Variants in APOB observed in about 807,000 individuals in gnomAD.
APOB encodes apolipoprotein B-100.
In APOB, 153 loss-of-function variants were observed where a neutral mutation model predicts 314.1. The ratio of observed to expected loss-of-function variants is 0.49; its 90% CI spans 0.43 to 0.56. The LOEUF (loss-of-function observed/expected upper bound fraction) is 0.56, where lower values mean the gene tolerates loss of function less well. Among genes scored for constraint, APOB ranks in the 20% least tolerant of loss-of-function variants. The pLI is 0.00. For missense variants in APOB, 5,430 were observed against 5,350.7 expected (o/e 1.01, Z -0.46); for synonymous variants, 2,087 against 2,036.4 (o/e 1.02, Z -0.67).
Position 21,002,100 on chromosome 2 carries a change from TC to T in APOB, c.13321del (p.Glu4441SerfsTer36). 6.2e-7 allele frequency: 1 copy of T among 1,614,030 alleles called. No individual in the cohort carries two copies. The highest frequency in any genetic ancestry group is 2.2e-5 in the East Asian group (1 of 44,874). On this transcript the variant is annotated frameshift_variant, in exon 29 of 29. Transcript: ENST00000233242. LOFTEE classifies it low-confidence loss of function (END_TRUNC). ...NFTSQLSSQV[E>X]QFLHRNIQEY... ...CTGAATATTTCTGTGCAGAAATTGCTCAACTTGACTTGAGAGTTGGGAAGTA... is the reference window on the plus strand; with the variant it reads ...CTGAATATTTCTGTGCAGAAATTGCTAACTTGACTTGAGAGTTGGGAAGTA...
rs1376134895 is a variant in APOB, at chr2:21,004,636, G to A, written c.11828C>T (p.Ser3943Phe). Residue 3943 changes from serine to phenylalanine, a missense_variant, in exon 27 of 29, where the codon TCT becomes TTT. By Grantham distance (155) the Ser-to-Phe change is radical (BLOSUM62 -2). This residue lies in a region of APOB where 3,281 missense variants were observed against 3,171.0 expected (regional missense o/e 1.03). Coordinates refer to ENST00000233242, the MANE Select transcript of APOB (RefSeq NM_000384.3). ...GTGTGCAAATGTTCCTTTAGTCTTA[G>A]AGGCTAACGTACCATCTTCGATTTT... ...THKIEDGTLASKTKGTFAHRD... is the reference protein window; with the variant it reads ...THKIEDGTLAFKTKGTFAHRD... The A allele has an allele frequency of 9.3e-6, 15 of 1,613,732 alleles. No homozygotes were observed. The highest frequency in any genetic ancestry group is 1.3e-5 in the Non-Finnish European group (15 of 1,179,824).
chr2:21,030,771 C>T (rs1406534594), intron 10 of APOB, among the ~76,000 whole-genome samples: 2 of 151,734 alleles, frequency 1.3e-5, no homozygotes, highest in South Asian at 2.1e-4. Flanking sequence ...CCAAATAATC[C>T]CATTAAAAAG....
At chr2:21,030,167 T>C (rs1295304384) in intron 10 of APOB, 152 bp from the exon 11 acceptor site, 2 of 646,820 alleles carry the variant, frequency 3.1e-6, no homozygotes, top group South Asian at 3.7e-5. Flanking sequence ...AAAAAGAACA[T>C]AGCTGGAGGC....
rs372263523 is a variant in APOB, at chr2:21,007,469, A to T, written c.9399T>A (p.Pro3133=). The T allele has an allele frequency of 6.2e-7, 1 of 1,613,990 alleles. No individual in the cohort carries two copies. The highest frequency in any genetic ancestry group is 8.5e-7 in the Non-Finnish European group (1 of 1,179,976). Residue 3133 remains proline, a synonymous_variant, in exon 26 of 29, where the codon CCT becomes CCA. Transcript: ENST00000233242. ...TTATTGTGTAAGGTAGACGCATTTC[A>T]GGAATTGTTAAAGGAATGTTTAAGA... ...LDFLNIPLTI[P]EMRLPYTIIT...
In APOB at chr2:21,002,129, G is replaced by T; in HGVS notation, c.13293C>A (p.Asn4431Lys). ...FHSEYIVSAS[N>K]FTSQLSSQVE... is the part of the protein sequence containing the mutation. ...CTTGACTTGAGAGTTGGGAAGTAAA[G>T]TTAGAGGCACTGACAATATATTCAG... Residue 4431 changes from asparagine to lysine, a missense_variant, in exon 29 of 29, where the codon AAC becomes AAA. Asn to Lys is a moderately conservative substitution (Grantham distance 94). This residue lies in a region of APOB where 3,281 missense variants were observed against 3,171.0 expected (regional missense o/e 1.03). Coordinates refer to ENST00000233242, the MANE Select transcript of APOB (RefSeq NM_000384.3). 2.5e-6 allele frequency: 4 copies of T among 1,613,960 alleles called. No individual in the cohort carries two copies. Among genetic ancestry groups the T allele is most frequent in the African/African-American group, 1.3e-5 (1 of 75,030 alleles).
At position 21,001,789 on chromosome 2, in the gene APOB, T is replaced by C; in HGVS notation, c.13633A>G (p.Thr4545Ala). Reference protein sequence around the residue: ...ITELLKKLQSTTVMNPYMKLA... With the variant: ...ITELLKKLQSATVMNPYMKLA... Reference sequence around the variant, plus strand: ...TTCATGTAGGGGTTCATGACTGTGGTTGATTGCAGCTTTTTCAGTAACTCC... The same window carrying C: ...TTCATGTAGGGGTTCATGACTGTGGCTGATTGCAGCTTTTTCAGTAACTCC... Residue 4545 changes from threonine (T) to alanine (A), a missense_variant, in exon 29 of 29, where the codon ACC becomes GCC. Thr to Ala is a moderately conservative substitution (Grantham distance 58). Around this residue, in one of 3 missense-constraint regions of APOB, gnomAD observed 3,281 missense variants for 3,171.0 expected, o/e 1.03. Transcript: ENST00000233242. The C allele has an allele frequency of 4.3e-6, 7 of 1,614,080 alleles. No individual in the cohort carries two copies. The highest frequency in any genetic ancestry group is 5.1e-6 in the Non-Finnish European group (6 of 1,179,958).
chr2:21,032,361 C>T lies in APOB; in HGVS notation c.1345G>A (p.Val449Ile). Reference protein sequence around the residue: ...RATLYALSHAVNNYHKTNPTG... With the variant: ...RATLYALSHAINNYHKTNPTG... ...TACAGTGTGGAAACTCACTTGTTGA[C>T]CGCGTGGCTCAGCGCATACAAGGTG... The change falls in exon 10 of 29, where the codon GTC (valine) becomes ATC (isoleucine). Residue 449 changes from valine (V) to isoleucine (I), a missense_variant. Around this residue, in one of 3 missense-constraint regions of APOB, gnomAD observed 2,085 missense variants for 2,079.7 expected, o/e 1.00. Coordinates refer to ENST00000233242, the MANE Select transcript of APOB (RefSeq NM_000384.3). 1.2e-6 allele frequency: 2 copies of T among 1,612,930 alleles called. No homozygotes were observed. The highest frequency in any genetic ancestry group is 1.1e-5 in the South Asian group (1 of 91,058).
In APOB at chr2:21,015,482, T is replaced by C; in HGVS notation, c.3396A>G (p.Glu1132=). Residue 1132 remains glutamate, a synonymous_variant, in exon 22 of 29, where the codon GAA becomes GAG. Transcript: ENST00000233242. ...AGTGGGCGAGGATCTCACTTCTGGC[T>C]TCTGCTTGCAAACGGGGTATGGAAA... is the stretch of plus-strand genomic sequence containing the variant. ...GVISIPRLQA[E]ARSEILAHWS... is the part of the protein sequence containing the mutation. 6.2e-7 allele frequency: 1 copy of C among 1,614,112 alleles called. No homozygotes were observed. The highest frequency in any genetic ancestry group is 8.5e-7 in the Non-Finnish European group (1 of 1,180,018).
At chr2:21,031,417 G>A (rs1008279513) in intron 10 of APOB, among the ~76,000 whole-genome samples, 4 of 152,182 alleles carry the variant, frequency 2.6e-5, no homozygotes, top group Non-Finnish European at 5.9e-5. Flanking sequence ...CAAGGACATA[G>A]TGTGTGGAAT....
chr2:21,027,305 A>T (rs1255093896), intron 14 of APOB, among the ~76,000 whole-genome samples: 1 of 109,222 alleles, frequency 9.2e-6, no homozygotes, highest in Non-Finnish European at 2.1e-5. Context: ...TTTGCATTTC[A>T]ATTTTTTTTT....
rs750400586 is a variant in APOB, at chr2:21,002,739, A to T, written c.12683T>A (p.Leu4228Gln). The change falls in exon 29 of 29, where the codon CTG becomes CAG. Residue 4228 changes from leucine to glutamine, a missense_variant. Leu to Gln is a moderately radical substitution (Grantham distance 113). Transcript: ENST00000233242. ...TMFIREVGTV[L>Q]SQVYSKVHNG... ...ATGGACTTTCGAATATACCTGGGAC[A>T]GTACCGTCCCTACCTCCCTTATGAA... The T allele has an allele frequency of 8.7e-6, 14 of 1,611,322 alleles. No individual in the cohort carries two copies. The highest frequency in any genetic ancestry group is 1.3e-5 in the African/African-American group (1 of 74,816).
In APOB at chr2:21,006,624, C is replaced by T; in HGVS notation, c.10244G>A (p.Ser3415Asn). 3 of 1,614,054 alleles carry T rather than the reference C, an allele frequency of 1.9e-6. No individual in the cohort carries two copies. The highest frequency in any genetic ancestry group is 3.3e-5 in the Admixed American group (2 of 60,010). ...FVEGSHNSTVSLTTKNMEVSV... is the reference protein window; with the variant it reads ...FVEGSHNSTVNLTTKNMEVSV... ...CACTTCCATATTTTTCGTGGTTAAG[C>T]TCACAGTACTGTTATGACTACCCTC... The change falls in exon 26 of 29, where the codon AGC (serine) becomes AAC (asparagine). Residue 3415 changes from serine to asparagine, a missense_variant. Around this residue, in one of 3 missense-constraint regions of APOB, gnomAD observed 3,281 missense variants for 3,171.0 expected, o/e 1.03. Coordinates refer to ENST00000233242, the MANE Select transcript of APOB (RefSeq NM_000384.3).
chr2:21,024,376 G>C (rs1663683881), intron 16 of APOB: 1 of 159,660 alleles, frequency 6.3e-6, no homozygotes, highest in Non-Finnish European at 1.4e-5. Context: ...CCAGCACTGT[G>C]GGAGGCCCAG....
rs145869062 is a variant in APOB at position 21,013,326 on chromosome 2, C to G, written c.4050G>C (p.Val1350=). ...AGAGGTCTAGAACACCCAGGAGAGG[C>G]ACTTGCAGTTGATACAACTTGGGAA... ...FTIPKLYQLQ[V]PLLGVLDLST... The change falls in exon 25 of 29, where the codon GTG becomes GTC. Residue 1350 remains valine, a synonymous_variant. Transcript: ENST00000233242. 13 of 1,614,084 alleles carry G rather than the reference C, an allele frequency of 8.1e-6. No individual in the cohort carries two copies. The African/African-American group carries it at 1.6e-4, about 20-fold the overall frequency.
At chr2:21,013,087 C>G in intron 25 of APOB, 73 bp downstream of exon 25, 1 of 1,599,034 alleles carries the variant, frequency 6.3e-7, no homozygotes, top group Non-Finnish European at 8.6e-7. Flanking sequence ...GTCCTTTCCT[C>G]CCTGGAGGAG....
intron 12 of APOB, 115 bp downstream of exon 12, chr2:21,029,522 AAG>A: frequency 8.6e-7 from 1 of 1,168,116 alleles, no homozygotes; most frequent in Non-Finnish European, 1.3e-6. Flanking sequence ...GAAGGAAGGA[AAG>A]GAAAGAAACA....
rs143613534 is a variant in APOB at position 21,041,036 on chromosome 2, G to T, written c.285C>A (p.Ser95Arg). 9.5e-5 allele frequency: 153 copies of T among 1,613,182 alleles called. No homozygotes were observed. In the African/African-American group the frequency reaches 1.8e-3, roughly 19 times the overall value. Reference sequence around the variant, plus strand: ...CATACACCTCTTTCAGGGTGCACTGGCTGGTCTTCAGGATGAAGCTGCAGA... The same window carrying T: ...CATACACCTCTTTCAGGGTGCACTGTCTGGTCTTCAGGATGAAGCTGCAGA... ...PQLCSFILKT[S>R]QCTLKEVYGF... Residue 95 changes from serine (S) to arginine (R), a missense_variant, in exon 4 of 29, where the codon AGC becomes AGA. By Grantham distance (110) the Ser-to-Arg change is moderately radical. Coordinates refer to ENST00000233242, the MANE Select transcript of APOB (RefSeq NM_000384.3).
intron 6 of APOB, among the ~76,000 whole-genome samples, chr2:21,035,947 C>A (rs1008663582): frequency 6.6e-6 from 1 of 152,186 alleles, no homozygotes; most frequent in Non-Finnish European, 1.5e-5. Context: ...AACTTTGTAT[C>A]CTCCACATGC....
intron 2 of APOB, 47 bp downstream of exon 2, chr2:21,043,466 T>C: frequency 6.4e-7 from 1 of 1,573,810 alleles, no homozygotes; most frequent in Middle Eastern, 1.7e-4. Context: ...TGTAGGAGAG[T>C]GCACGGGGCT....
Sources: allele counts gnomAD v4.1 joint callset (sites outside exome capture counted in the v4.1 genomes callset), GRCh38; gene constraint gnomAD v4.1.1; regional missense constraint gnomAD v4.1.1; transcripts MANE v1.5; gene names NCBI Gene and HGNC (gene_info 2026-07-23, HGNC 2026-07-21).